Variants in KAT14 observed in about 807,000 individuals in gnomAD.
KAT14 encodes the protein lysine acetyltransferase 14.
In KAT14, 66 loss-of-function variants were observed where a neutral mutation model predicts 78.4. That is an observed-to-expected ratio of 0.84 (90% CI 0.69 to 1.03). The LOEUF (loss-of-function observed/expected upper bound fraction) is 1.03. Among genes scored for constraint, KAT14 ranks in the 50% least tolerant of loss-of-function variants. The pLI is 0.00. For missense variants in KAT14, 870 were observed against 972.5 expected, an observed-to-expected ratio of 0.89 and a Z score of 1.40; for synonymous variants, 344 against 359.4, an observed-to-expected ratio of 0.96 and a Z score of 0.48.
rs1419814166 is a variant in KAT14 at position 18,159,222 on chromosome 20, A to T, written c.639A>T (p.Lys213Asn). ...KLVHNKPPTM[K>N]PEGEKLSAST... ...TTCATAACAAGCCCCCAACGATGAA[A>T]CCTGAAGGAGAGAAGTTGTCTGCCT... Residue 213 changes from lysine (K) to asparagine (N), a missense_variant, in exon 5 of 11, where the codon AAA becomes AAT. Transcript: ENST00000688188. 3 of 1,613,880 alleles carry T rather than the reference A, an allele frequency of 1.9e-6. No homozygotes were observed. Among genetic ancestry groups the T allele is most frequent in the Admixed American group, 1.7e-5 (1 of 59,960 alleles).
chr20:18,168,574 T>C (rs1384443455), intron 7 of KAT14, among the ~76,000 whole-genome samples: 1 of 152,194 alleles, frequency 6.6e-6, no homozygotes, highest in Non-Finnish European at 1.5e-5. Context: ...GTGGCCTCCT[T>C]GTTTTATTCT....
At chr20:18,174,866 T>C (rs1270975262) in intron 7 of KAT14, among the ~76,000 whole-genome samples, 3 of 152,136 alleles carry the variant, frequency 2.0e-5, no homozygotes, top group African/African-American at 7.2e-5. Context: ...GGTTTCATCA[T>C]GTTGGCCAGG....
Position 18,137,879 on chromosome 20 carries a change from G to A in KAT14, c.-626G>A. On this transcript the variant is annotated 5_prime_UTR_variant, in exon 1 of 11. Transcript: ENST00000688188. ...CGAGGGGTCGAGCCTGGGCAGTACAGGCGGCGGTGCGCACTCTGCGGCGGC... is the reference window on the plus strand; with the variant it reads ...CGAGGGGTCGAGCCTGGGCAGTACAAGCGGCGGTGCGCACTCTGCGGCGGC... 1 of 1,386,956 alleles carries A rather than the reference G, an allele frequency of 7.2e-7. No individual in the cohort carries two copies. Among genetic ancestry groups the A allele is most frequent in the South Asian group, 1.5e-5 (1 of 68,246 alleles). 85.9% of individuals were successfully genotyped at this position (1,386,956 alleles called of 1,614,324 possible).
intron 3 of KAT14, among the ~76,000 whole-genome samples, chr20:18,147,232 T>C (rs1196734763): frequency 6.6e-6 from 1 of 152,226 alleles, no homozygotes; most frequent in Non-Finnish European, 1.5e-5. Context: ...AGCCTTTTCT[T>C]TGACTTGCCT....
intron 1 of KAT14, chr20:18,138,345 G>T: frequency 9.1e-7 from 1 of 1,100,800 alleles, no homozygotes; most frequent in Non-Finnish European, 1.1e-6. Flanking sequence ...GGCACGGCAC[G>T]CAAGCTTTTG....
chr20:18,139,458 G>A (rs1189608145), intron 1 of KAT14, among the ~76,000 whole-genome samples: 1 of 152,188 alleles, frequency 6.6e-6, no homozygotes, highest in Non-Finnish European at 1.5e-5. Flanking sequence ...TTTACAATGT[G>A]ACTAAGGCTT....
intron 1 of KAT14, among the ~76,000 whole-genome samples, chr20:18,139,691 T>G (rs558020790): frequency 3.3e-5 from 5 of 151,748 alleles, no homozygotes; most frequent in African/African-American, 1.2e-4. Context: ...TTTTTTCCTT[T>G]TATGTCCGGT....
chr20:18,159,172 G>A lies in KAT14; in HGVS notation c.589G>A (p.Gly197Arg). 6.2e-7 allele frequency: 1 copy of A among 1,614,154 alleles called. No homozygotes were observed. The highest frequency in any genetic ancestry group is 8.5e-7 in the Non-Finnish European group (1 of 1,180,000). Reference protein sequence around the residue: ...MYFRSGAQEFGEPGWWKLVHN... With the variant: ...MYFRSGAQEFREPGWWKLVHN... Reference sequence around the variant, plus strand: ...CTTCCGTTCAGGTGCTCAGGAATTTGGAGAGCCAGGATGGTGGAAACTTGT... The same window carrying A: ...CTTCCGTTCAGGTGCTCAGGAATTTAGAGAGCCAGGATGGTGGAAACTTGT... The change falls in exon 5 of 11, where the codon GGA becomes AGA. Residue 197 changes from glycine (G) to arginine (R), a missense_variant. Coordinates refer to ENST00000688188, the MANE Select transcript of KAT14 (RefSeq NM_001392073.1).
intron 7 of KAT14, among the ~76,000 whole-genome samples, chr20:18,175,520 C>G (rs913715490): frequency 6.6e-6 from 1 of 152,108 alleles, no homozygotes; most frequent in Admixed American, 6.5e-5. Flanking sequence ...CGGGCTTTCT[C>G]CCAGCCTTGT....
chr20:18,175,762 T>C (rs1260507475), intron 7 of KAT14, among the ~76,000 whole-genome samples: 1 of 151,720 alleles, frequency 6.6e-6, no homozygotes, highest in Non-Finnish European at 1.5e-5. Context: ...CTCAAACCTG[T>C]AATCCCAGCA....
Position 18,161,425 on chromosome 20 carries a change from T to A in KAT14, c.683-398T>A, listed in dbSNP as rs368818672. Among the ~76,000 whole-genome samples the A allele has an allele frequency of 2.6e-5, 4 of 152,286 alleles. No individual in the cohort carries two copies. In the South Asian group the frequency reaches 6.2e-4, roughly 24 times the overall value. On this transcript the variant is annotated intron_variant, in intron 5 of 10. Transcript: ENST00000688188. ...TATTTGTTTAAATTTGCAGTATAACTTCTTTTTTCTCAAGAGATATCTAAG... is the reference window on the plus strand; with the variant it reads ...TATTTGTTTAAATTTGCAGTATAACATCTTTTTTCTCAAGAGATATCTAAG...
In KAT14 at chr20:18,141,047, A is replaced by ATTTTTAT. The variant is rs375567665; in HGVS notation, c.-453-1156_-453-1150dup. Among the ~76,000 whole-genome samples, 85 of 92,830 alleles carry ATTTTTAT rather than the reference A, an allele frequency of 9.2e-4. 1 individual carries two copies. The highest frequency in any genetic ancestry group is 3.5e-3 in the Admixed American group (24 of 6,930). 60.9% of individuals were successfully genotyped at this position (92,830 alleles called of 152,430 possible). A position where few individuals can be genotyped will look rare whatever the true frequency, so the allele number is the denominator to read the frequency against. ...AATTTTTTTTTTTTTTTTTTTTTTT[A>ATTTTTAT]TTTTTATTTTTGCTAGAGATGGGAT... On this transcript the variant is annotated intron_variant, in intron 1 of 10. Coordinates refer to ENST00000688188, the MANE Select transcript of KAT14 (RefSeq NM_001392073.1).
Position 18,143,095 on chromosome 20 carries a change from C to T in KAT14, c.259+176C>T, listed in dbSNP as rs144392833. The T allele has an allele frequency of 3.1e-3, 4,320 of 1,392,716 alleles. 11 individuals carry two copies. The highest frequency in any genetic ancestry group is 9.0e-3 in the Middle Eastern group (38 of 4,244). 86.3% of individuals were successfully genotyped at this position (1,392,716 alleles called of 1,614,324 possible). On this transcript the variant is annotated intron_variant, in intron 2 of 10. Coordinates refer to ENST00000688188, the MANE Select transcript of KAT14 (RefSeq NM_001392073.1). ...CATAGGCATGTTTGTACTAATGAAACGTACTGTCAACCTCTATCACATTGT... is the reference window on the plus strand; with the variant it reads ...CATAGGCATGTTTGTACTAATGAAATGTACTGTCAACCTCTATCACATTGT...
intron 10 of KAT14, among the ~76,000 whole-genome samples, chr20:18,185,146 T>C (rs2039412742): frequency 6.6e-6 from 1 of 152,118 alleles, no homozygotes. Context: ...CTCAGAGAAG[T>C]GAGGGTAGGA....
At chr20:18,145,667 A>G (rs2037800046) in intron 3 of KAT14, among the ~76,000 whole-genome samples, 1 of 152,014 alleles carries the variant, frequency 6.6e-6, no homozygotes, top group Non-Finnish European at 1.5e-5. Context: ...TGTAATCCCA[A>G]CTACCTGGGA....
At chr20:18,145,061 GAAGAATAGA>G in intron 2 of KAT14, 163 bp from the exon 3 acceptor site, 2 of 1,393,620 alleles carry the variant, frequency 1.4e-6, no homozygotes, top group Non-Finnish European at 1.9e-6. Context: ...CTTGGTGTTA[GAAGAATAGA>G]AATCTTTCTA....
In KAT14 at chr20:18,140,634, A is replaced by AC. The variant is rs566138933; in HGVS notation, c.-453-1570dup. 1.1e-4 allele frequency among the ~76,000 whole-genome samples: 17 copies of AC among 151,656 alleles called. No individual in the cohort carries two copies. The East Asian group carries it at 2.2e-3, about 19-fold the overall frequency. On this transcript the variant is annotated intron_variant, in intron 1 of 10. Coordinates refer to ENST00000688188, the MANE Select transcript of KAT14 (RefSeq NM_001392073.1). ...AGACCAGCCTGGCCAACGTGGTGAA[A>AC]CCCCGTCTCTACTAAAAATACAAAA...
intron 4 of KAT14, among the ~76,000 whole-genome samples, chr20:18,155,170 C>T (rs1420188756): frequency 6.6e-6 from 1 of 152,118 alleles, no homozygotes; most frequent in Non-Finnish European, 1.5e-5. Flanking sequence ...AGGCGTGAAC[C>T]ACTGCACCTG....
At chr20:18,186,309 G>C (rs983799631) in intron 10 of KAT14, among the ~76,000 whole-genome samples, 5 of 152,200 alleles carry the variant, frequency 3.3e-5, no homozygotes, top group Non-Finnish European at 5.9e-5. Flanking sequence ...GCCACGGTGA[G>C]ATCACGTATA....
Sources: allele counts gnomAD v4.1 joint callset (sites outside exome capture counted in the v4.1 genomes callset), GRCh38; gene constraint gnomAD v4.1.1; transcripts MANE v1.5; gene names NCBI Gene and HGNC (gene_info 2026-07-23, HGNC 2026-07-21).